RHOBTB1: variants seen among roughly 807,000 people sequenced by gnomAD.
RHOBTB1 encodes the protein Rho related BTB domain containing 1.
Under a neutral mutation model 71.6 loss-of-function variants are expected in RHOBTB1, and 40 were observed. The ratio of observed to expected loss-of-function variants is 0.56; its 90% confidence interval spans 0.43 to 0.73. The LOEUF is 0.73. RHOBTB1 is among the 30% of genes least tolerant of loss of function. The pLI, the probability that RHOBTB1 is intolerant of heterozygous loss-of-function variation, is 0.00. For synonymous variants in RHOBTB1, 319 were observed against 334.9 expected (o/e 0.95, Z 0.52); for missense variants, 797 against 894.0 (o/e 0.89, Z 1.38).
chr10:60,989,066 A>T (rs894499218), intron 1 of RHOBTB1, among the ~76,000 whole-genome samples: 2 of 152,140 alleles, frequency 1.3e-5, no homozygotes, highest in Non-Finnish European at 2.9e-5. Context: ...TTTTCAGTCA[A>T]ATATCACTGT....
chr10:60,964,320 T>C (rs529834833), intron 2 of RHOBTB1, among the ~76,000 whole-genome samples: 1 of 152,032 alleles, frequency 6.6e-6, no homozygotes, highest in East Asian at 1.9e-4. Flanking sequence ...TTATAAACGC[T>C]CTCCTGGGTT....
chr10:60,948,881 A>G (rs1483266813), upstream of RHOBTB1, among the ~76,000 whole-genome samples: 1 of 152,194 alleles, frequency 6.6e-6, no homozygotes, highest in Non-Finnish European at 1.5e-5. Context: ...CTGACTTTTA[A>G]GGAAATACTT....
rs142942093 is a variant in RHOBTB1, at chr10:60,994,295, T to C, written c.-163+7104A>G. Among the ~76,000 whole-genome samples the C allele has an allele frequency of 2.1e-3, 313 of 152,232 alleles. 1 individual carries two copies. The highest frequency in any genetic ancestry group is 3.2e-3 in the Non-Finnish European group (220 of 68,004). On this transcript the variant is annotated intron_variant, in intron 1 of 11. Coordinates refer to the RHOBTB1 transcript ENST00000357917. ...GCAATTAAAAAATGAAATAATCAAA[T>C]GGTAGTATACTACAATAAATAAAAC...
intron 6 of RHOBTB1, 142 bp downstream of exon 6, chr10:60,888,064 TTAATGC>T (rs1459448312): frequency 3.3e-6 from 3 of 903,574 alleles, no homozygotes; most frequent in Non-Finnish European, 1.6e-6. Flanking sequence ...ATTAAAGAAG[TTAATGC>T]CTGTAGCTTA....
intron 1 of RHOBTB1, among the ~76,000 whole-genome samples, chr10:60,996,932 C>T (rs2087071884): frequency 1.3e-5 from 2 of 152,126 alleles, no homozygotes; most frequent in East Asian, 3.9e-4. Flanking sequence ...AGGGACTTCA[C>T]TATTTCCTCA....
At chr10:60,897,871 A>AT (rs746205944) in intron 4 of RHOBTB1, among the ~76,000 whole-genome samples, 1 of 151,782 alleles carries the variant, frequency 6.6e-6, no homozygotes, top group Non-Finnish European at 1.5e-5. Context: ...TGCCTGGCTA[A>AT]TTTTTTGTAT....
At chr10:60,973,586 AC>A (rs1367049792) in intron 2 of RHOBTB1, among the ~76,000 whole-genome samples, 2 of 152,102 alleles carry the variant, frequency 1.3e-5, no homozygotes, top group Non-Finnish European at 2.9e-5. Context: ...AAGAAACAAC[AC>A]CAACAACTGA....
chr10:60,862,513 G>GCT, the RHOBTB1 span, among the ~76,000 whole-genome samples: 2,055 of 110,126 alleles, frequency 0.019, 25 homozygotes, highest in East Asian at 0.039. Flanking sequence ...GAAAGAATAC[G>GCT]CTGTCTCTCT....
chr10:60,874,335 A>T (rs2132231924), intron 9 of RHOBTB1, among the ~76,000 whole-genome samples: 1 of 152,312 alleles, frequency 6.6e-6, no homozygotes, highest in Admixed American at 6.5e-5. Flanking sequence ...CTCCCACTTC[A>T]TTCTCAGAAT....
intron 8 of RHOBTB1, chr10:60,877,174 C>A (rs1179227806): frequency 1.3e-5 from 2 of 152,226 alleles, no homozygotes; most frequent in Non-Finnish European, 2.9e-5. Flanking sequence ...AGCTTCCCAA[C>A]TGAACAAATC....
At chr10:60,953,597 C>A (rs1025680289) in intron 2 of RHOBTB1, among the ~76,000 whole-genome samples, 8 of 152,238 alleles carry the variant, frequency 5.3e-5, no homozygotes, top group African/African-American at 1.9e-4. Flanking sequence ...TGAAAGAAAT[C>A]TATCACACCT....
chr10:60,906,634 C>T (rs1039392867), intron 4 of RHOBTB1, among the ~76,000 whole-genome samples: 6 of 152,124 alleles, frequency 3.9e-5, no homozygotes, highest in Admixed American at 1.3e-4. Context: ...TTTGCAGGCT[C>T]ACCACAAGAG....
chr10:60,907,153 A>G lies in RHOBTB1; in HGVS notation c.296+3734T>C, dbSNP rs12261045. 9.6e-3 allele frequency among the ~76,000 whole-genome samples: 1,466 copies of G among 152,310 alleles called. 24 individuals carry two copies. Among genetic ancestry groups the G allele is most frequent in the African/African-American group, 0.034 (1,402 of 41,556 alleles). On this transcript the variant is annotated intron_variant, in intron 4 of 10. Coordinates refer to ENST00000337910, the MANE Select transcript of RHOBTB1 (RefSeq NM_014836.5). ...GCCTCCCCAGCCACACGGAACTGTGAGTCCATTAAACCTCTTTTTCTTTAT... is the reference window on the plus strand; with the variant it reads ...GCCTCCCCAGCCACACGGAACTGTGGGTCCATTAAACCTCTTTTTCTTTAT...
chr10:60,892,279 CTG>C (rs761386067), intron 5 of RHOBTB1, among the ~76,000 whole-genome samples: 2 of 152,124 alleles, frequency 1.3e-5, no homozygotes, highest in Non-Finnish European at 2.9e-5. Flanking sequence ...AAAGTAGTAA[CTG>C]TTTGTTTTGC....
chr10:60,896,290 ACATTT>A (rs1401877479), intron 4 of RHOBTB1, among the ~76,000 whole-genome samples: 2 of 152,262 alleles, frequency 1.3e-5, no homozygotes, highest in Admixed American at 1.3e-4. Flanking sequence ...TGGCTCTGTT[ACATTT>A]TTTAACTTTG....
chr10:60,908,689 T>C (rs964581052), intron 4 of RHOBTB1, among the ~76,000 whole-genome samples: 7 of 152,230 alleles, frequency 4.6e-5, no homozygotes, highest in Non-Finnish European at 7.3e-5. Context: ...CTTTTTGGCA[T>C]TACGTCAATG....
At chr10:60,986,649 G>A (rs2086678627) in intron 1 of RHOBTB1, among the ~76,000 whole-genome samples, 1 of 151,790 alleles carries the variant, frequency 6.6e-6, no homozygotes, top group African/African-American at 2.4e-5. Flanking sequence ...AATTTTTCAT[G>A]TAAAACCTGA....
At chr10:60,880,193 G>GTGTGTGTT (rs2081255503) in intron 7 of RHOBTB1, among the ~76,000 whole-genome samples, 1 of 142,276 alleles carries the variant, frequency 7.0e-6, no homozygotes, top group African/African-American at 2.8e-5. Flanking sequence ...GTGTGTGTGT[G>GTGTGTGTT]TGTGTGTGTG....
chr10:61,001,108 G>A (rs1444571806), intron 1 of RHOBTB1, among the ~76,000 whole-genome samples: 1 of 151,930 alleles, frequency 6.6e-6, no homozygotes, highest in African/African-American at 2.4e-5. Flanking sequence ...GCTGGGGGAC[G>A]CTTAGGTAGG....
Sources: gnomAD v4.1 joint callset for allele counts (sites outside exome capture counted in the v4.1 genomes callset) on GRCh38, gnomAD v4.1.1 for gene constraint, MANE v1.5 for transcripts, NCBI Gene and HGNC (gene_info 2026-07-23, HGNC 2026-07-21) for gene names.